Variants in ARHGEF7 observed in about 807,000 individuals in gnomAD.
The protein encoded by ARHGEF7 is Rho guanine nucleotide exchange factor 7.
ARHGEF7 carries 33 observed loss-of-function variants against 109.8 expected under a neutral mutation model. That is an observed-to-expected ratio of 0.30 (90% CI 0.23 to 0.40). The LOEUF is 0.40. Ranked by LOEUF, ARHGEF7 falls within the 10% of genes least tolerant of loss-of-function variation. The pLI, the probability that ARHGEF7 is intolerant of heterozygous loss-of-function variation, is 1.00. For missense variants in ARHGEF7, 938 were observed against 1,098.5 expected (o/e 0.85, Z 2.07); for synonymous variants, 458 against 424.6 (o/e 1.08, Z -0.97).
chr13:111,137,442 C>T (rs1303004523), intron 1 of ARHGEF7, among the ~76,000 whole-genome samples: 7 of 152,326 alleles, frequency 4.6e-5, no homozygotes, highest in Non-Finnish European at 5.9e-5. Flanking sequence ...CTTTTCCGTG[C>T]GTGGCACAGG....
At chr13:111,294,768 T>A in intron 19 of ARHGEF7, 2 of 985,676 alleles carry the variant, frequency 2.0e-6, no homozygotes, top group Non-Finnish European at 2.4e-6. Flanking sequence ...TCTGTAATAT[T>A]TATTTGTACA....
At chr13:111,126,285 G>A (rs1298866149) in intron 1 of ARHGEF7, among the ~76,000 whole-genome samples, 2 of 152,222 alleles carry the variant, frequency 1.3e-5, no homozygotes, top group East Asian at 3.8e-4. Context: ...GAGGTCAGGA[G>A]CTCAAGACCA....
At chr13:111,153,761 C>T (rs2076057721) in intron 1 of ARHGEF7, 144 bp from the exon 2 acceptor site, 4 of 1,351,782 alleles carry the variant, frequency 3.0e-6, no homozygotes, top group African/African-American at 3.1e-5. Flanking sequence ...GCATCTGGGG[C>T]AGCGGGCTCG....
At position 111,292,171 on chromosome 13, in the gene ARHGEF7, C is replaced by G; in HGVS notation, c.2188C>G (p.Pro730Ala). 2 of 1,613,764 alleles carry G rather than the reference C, an allele frequency of 1.2e-6. No homozygotes were observed. The highest frequency in any genetic ancestry group is 1.7e-6 in the Non-Finnish European group (2 of 1,180,032). Residue 730 changes from proline to alanine, a missense_variant, in exon 19 of 22, where the codon CCA becomes GCA. Transcript: ENST00000646102. ...HNHVLADDDQ[P>A]SLDSLGRRSS... ...TCACGTCTTGGCTGATGATGACCAA[C>G]CAAGCCTAGACTCCCTGGGGCGTCG...
chr13:111,282,551 A>G lies in ARHGEF7; in HGVS notation c.1726-588A>G, dbSNP rs536662242. ...AGTGTTCAGTAAAGATCCAGATGGT[A>G]AACGTTCTCTGCTTTACAGGTTCAG... On this transcript the variant is annotated intron_variant, in intron 15 of 21. Coordinates refer to ENST00000646102, the MANE Select transcript of ARHGEF7 (RefSeq NM_001354046.2). Among the ~76,000 whole-genome samples the G allele has an allele frequency of 1.6e-4, 24 of 152,360 alleles. 1 individual carries two copies. The highest frequency in any genetic ancestry group is 5.3e-4 in the African/African-American group (22 of 41,586).
At chr13:111,209,780 G>T in intron 3 of ARHGEF7, 92 bp from the exon 4 acceptor site, 4 of 1,469,892 alleles carry the variant, frequency 2.7e-6, no homozygotes, top group Non-Finnish European at 3.7e-6. Flanking sequence ...GTGTCCCTCT[G>T]TGCTGCCCTA....
At chr13:111,160,674 A>G (rs369960157) in intron 2 of ARHGEF7, among the ~76,000 whole-genome samples, 52 of 152,262 alleles carry the variant, frequency 3.4e-4, no homozygotes, top group African/African-American at 1.1e-3. Context: ...TCTATTGGAC[A>G]GTGCTGGATC....
At chr13:111,234,480 TGGCG>T (rs1025530825) in intron 6 of ARHGEF7, among the ~76,000 whole-genome samples, 2 of 152,358 alleles carry the variant, frequency 1.3e-5, no homozygotes, top group East Asian at 3.9e-4. Flanking sequence ...GTGAACAGAA[TGGCG>T]GGTGCCTCTC....
intron 19 of ARHGEF7, among the ~76,000 whole-genome samples, chr13:111,298,902 G>A (rs896098176): frequency 1.3e-5 from 2 of 152,228 alleles, no homozygotes; most frequent in Non-Finnish European, 2.9e-5. Flanking sequence ...CATGGCTTGT[G>A]ACTGAATTTT....
intron 1 of ARHGEF7, among the ~76,000 whole-genome samples, chr13:111,129,817 C>T (rs143072916): frequency 1.1e-3 from 167 of 152,318 alleles, no homozygotes; most frequent in African/African-American, 4.0e-3. Flanking sequence ...ACAGTTGATC[C>T]GTTTCTTAAA....
intron 8 of ARHGEF7, among the ~76,000 whole-genome samples, chr13:111,252,150 AAG>A (rs1396132963): frequency 6.6e-6 from 1 of 152,250 alleles, no homozygotes; most frequent in Non-Finnish European, 1.5e-5. Context: ...GATGGCATAA[AAG>A]AGTTAGTCTC....
At chr13:111,223,085 A>G (rs539056396) in intron 5 of ARHGEF7, among the ~76,000 whole-genome samples, 14 of 152,360 alleles carry the variant, frequency 9.2e-5, no homozygotes, top group African/African-American at 2.9e-4. Context: ...AAAACATAGT[A>G]TATATAGGGT....
intron 1 of ARHGEF7, among the ~76,000 whole-genome samples, chr13:111,117,186 A>G (rs1594761437): frequency 1.3e-5 from 2 of 152,258 alleles, no homozygotes; most frequent in East Asian, 3.8e-4. Context: ...CATATGCTGT[A>G]TTGATAAAAA....
At chr13:111,192,934 C>G (rs1230590494) in intron 2 of ARHGEF7, among the ~76,000 whole-genome samples, 2 of 152,176 alleles carry the variant, frequency 1.3e-5, no homozygotes. Flanking sequence ...TGGGTGAAGT[C>G]TAAATGCCAG....
rs1261563880 is a variant in ARHGEF7, at chr13:111,304,578, C to G, written c.*1465C>G. 8 of 152,264 alleles carry G rather than the reference C, an allele frequency of 5.3e-5. No homozygotes were observed. The highest frequency in any genetic ancestry group is 3.9e-4 in the Admixed American group (6 of 15,292). The allele number at this position is 152,264 out of a possible 1,614,324, so 9.4% of individuals were successfully genotyped here. A position where few individuals can be genotyped will look rare whatever the true frequency, so the allele number is the denominator to read the frequency against. On this transcript the variant is annotated 3_prime_UTR_variant, in exon 22 of 22. Coordinates refer to ENST00000646102, the MANE Select transcript of ARHGEF7 (RefSeq NM_001354046.2). Reference sequence around the variant, plus strand: ...TGGCCAAATTGCCCTTTAACTGCACCTGAATCCTTTGTGTACTGATGCCTT... The same window carrying G: ...TGGCCAAATTGCCCTTTAACTGCACGTGAATCCTTTGTGTACTGATGCCTT...
chr13:111,166,542 C>T (rs951594674), intron 2 of ARHGEF7, among the ~76,000 whole-genome samples: 4 of 152,168 alleles, frequency 2.6e-5, no homozygotes, highest in Non-Finnish European at 5.9e-5. Context: ...ACCACAGTCC[C>T]GTCAGCATAG....
intron 2 of ARHGEF7, among the ~76,000 whole-genome samples, chr13:111,180,135 G>C (rs1348217755): frequency 1.3e-5 from 2 of 152,206 alleles, no homozygotes; most frequent in Admixed American, 6.5e-5. Context: ...TCAGGCTCCT[G>C]TTGGCACTGG....
intron 1 of ARHGEF7, among the ~76,000 whole-genome samples, chr13:111,146,068 G>A (rs940017102): frequency 6.6e-6 from 1 of 152,154 alleles, no homozygotes; most frequent in African/African-American, 2.4e-5. Flanking sequence ...TGCACAAGTA[G>A]GTCCAGCCGT....
At chr13:111,250,006 G>GT (rs2089517785) in intron 8 of ARHGEF7, among the ~76,000 whole-genome samples, 1 of 152,174 alleles carries the variant, frequency 6.6e-6, no homozygotes, top group Non-Finnish European at 1.5e-5. Flanking sequence ...CTTTCTATAT[G>GT]TTTTTTAAAG....
Sources: allele counts gnomAD v4.1 joint callset (sites outside exome capture counted in the v4.1 genomes callset), GRCh38; gene constraint gnomAD v4.1.1; transcripts MANE v1.5; gene names NCBI Gene and HGNC (gene_info 2026-07-23, HGNC 2026-07-21).